Variants in TENM3 observed in about 807,000 individuals in gnomAD.
The protein encoded by TENM3 is teneurin-3.
Under a neutral mutation model 255.1 loss-of-function variants are expected in TENM3, and 63 were observed. The observed-to-expected ratio is 0.25, with a 90% CI of 0.20 to 0.30. The LOEUF (loss-of-function observed/expected upper bound fraction) is 0.30. Ranked by LOEUF, TENM3 falls within the 10% of genes least tolerant of loss-of-function variation. The pLI is 1.00. For synonymous variants in TENM3, 1,306 were observed against 1,322.3 expected, an observed-to-expected ratio of 0.99 and a Z score of 0.27; for missense variants, 2,929 against 3,461.1, an observed-to-expected ratio of 0.85 and a Z score of 3.86.
intron 12 of TENM3, chr4:182,711,444 C>A (rs1402891604): frequency 5.7e-6 from 1 of 176,760 alleles, no homozygotes; most frequent in Non-Finnish European, 1.1e-5. Context: ...CGAAGTGCAT[C>A]TCTGTCATGT....
At chr4:181,749,573 T>C in the TENM3 span, among the ~76,000 whole-genome samples, 7 of 152,202 alleles carry the variant, frequency 4.6e-5, no homozygotes, top group Admixed American at 6.6e-5. Context: ...TCTCTGCTTT[T>C]CATCTGCAGA....
At chr4:181,775,424 T>C in the TENM3 span, among the ~76,000 whole-genome samples, 18 of 152,302 alleles carry the variant, frequency 1.2e-4, no homozygotes, top group African/African-American at 2.4e-4. Flanking sequence ...TATATGCCCA[T>C]TGGAATTCAT....
chr4:182,344,764 T>G (rs1561345203), intron 2 of TENM3, among the ~76,000 whole-genome samples: 1 of 151,998 alleles, frequency 6.6e-6, no homozygotes, highest in African/African-American at 2.4e-5. Context: ...ATCAGCATGT[T>G]TGATGGCAAT....
At chr4:181,488,214 T>A in the TENM3 span, among the ~76,000 whole-genome samples, 1 of 152,228 alleles carries the variant, frequency 6.6e-6, no homozygotes, top group Admixed American at 6.5e-5. Context: ...AAGGACTGAA[T>A]GATATTTTTC....
At chr4:182,693,305 A>G (rs2152606966) in intron 12 of TENM3, among the ~76,000 whole-genome samples, 1 of 152,112 alleles carries the variant, frequency 6.6e-6, no homozygotes, top group African/African-American at 2.4e-5. Flanking sequence ...CAGTTTTACA[A>G]TTTATTCACT....
intron 24 of TENM3, among the ~76,000 whole-genome samples, chr4:182,785,941 T>C (rs35847306): frequency 0.097 from 14,810 of 152,052 alleles, 960 homozygotes; most frequent in Admixed American, 0.16. Context: ...GAGCTCTTAG[T>C]ATCTTTTGAA....
chr4:181,759,724 A>ATGTGTG, the TENM3 span, among the ~76,000 whole-genome samples: 41,782 of 146,412 alleles, frequency 0.29, 6,800 homozygotes, highest in Admixed American at 0.39. Flanking sequence ...CAATCAACAG[A>ATGTGTG]TGTGTGTGTG....
intron 3 of TENM3, among the ~76,000 whole-genome samples, chr4:182,534,815 G>A (rs1446502918): frequency 1.3e-5 from 2 of 152,194 alleles, no homozygotes; most frequent in Non-Finnish European, 2.9e-5. Flanking sequence ...TGGAAAGTGG[G>A]ATCAGATTAT....
intron 1 of TENM3, among the ~76,000 whole-genome samples, chr4:182,201,198 A>G (rs1002564113): frequency 6.6e-6 from 1 of 152,150 alleles, no homozygotes; most frequent in African/African-American, 2.4e-5. Context: ...GAAAAAGTCA[A>G]TCACAAGCTC....
the TENM3 span, among the ~76,000 whole-genome samples, chr4:181,467,084 CGTGTGT>C: frequency 2.0e-3 from 119 of 58,802 alleles, 1 homozygote; most frequent in African/African-American, 3.6e-3. Flanking sequence ...TGTGTGTGTG[CGTGTGT>C]GTGTGTGTGT....
intron 19 of TENM3, among the ~76,000 whole-genome samples, chr4:182,746,520 G>A (rs1762023320): frequency 6.6e-6 from 1 of 152,156 alleles, no homozygotes; most frequent in African/African-American, 2.4e-5. Context: ...AGAAAGGCAG[G>A]GGAGGGTCAG....
At chr4:181,545,825 C>T in the TENM3 span, among the ~76,000 whole-genome samples, 1 of 152,094 alleles carries the variant, frequency 6.6e-6, no homozygotes, top group Admixed American at 6.5e-5. Flanking sequence ...CTCGTATTTT[C>T]TTAATGACAT....
chr4:182,583,707 CA>C (rs1745734044), intron 3 of TENM3, among the ~76,000 whole-genome samples: 1 of 151,820 alleles, frequency 6.6e-6, no homozygotes, highest in South Asian at 2.1e-4. Flanking sequence ...AAATTAATGT[CA>C]GAACACTAGA....
At chr4:182,391,880 CA>C (rs1386826583) in intron 3 of TENM3, among the ~76,000 whole-genome samples, 1 of 151,714 alleles carries the variant, frequency 6.6e-6, no homozygotes, top group Non-Finnish European at 1.5e-5. Flanking sequence ...AAAAAAAAAA[CA>C]TGCTTATGAA....
chr4:182,160,828 T>C (rs1751097986), intron 1 of TENM3, among the ~76,000 whole-genome samples: 1 of 152,144 alleles, frequency 6.6e-6, no homozygotes, highest in Non-Finnish European at 1.5e-5. Flanking sequence ...GGAGTTTAAA[T>C]GTTCTCACCA....
chr4:182,362,563 T>C (rs1202617752), intron 3 of TENM3, among the ~76,000 whole-genome samples: 5 of 152,198 alleles, frequency 3.3e-5, no homozygotes, highest in Non-Finnish European at 7.3e-5. Flanking sequence ...GCCGTTTTTT[T>C]AAGCCCGTCG....
chr4:182,711,706 T>C lies in TENM3; in HGVS notation c.2222-2381T>C, dbSNP rs77352788. 2,050 of 338,558 alleles carry C rather than the reference T, an allele frequency of 6.1e-3. 10 individuals are homozygous for C. Among genetic ancestry groups the C allele is most frequent in the Middle Eastern group, 9.0e-3 (6 of 664 alleles). The allele number at this position is 338,558 out of a possible 1,614,324, so 21.0% of individuals were successfully genotyped here. ...CTTTTCCATGCATATTTTTGTAAATTATAAATCAGAGTTAAATTATGTAAA... is the reference window on the plus strand; with the variant it reads ...CTTTTCCATGCATATTTTTGTAAATCATAAATCAGAGTTAAATTATGTAAA... On this transcript the variant is annotated intron_variant, in intron 12 of 27. Transcript: ENST00000511685.
the TENM3 span, among the ~76,000 whole-genome samples, chr4:181,468,062 G>A: frequency 1.3e-5 from 2 of 151,022 alleles, no homozygotes; most frequent in Non-Finnish European, 2.9e-5. Context: ...CTGGGAGGCC[G>A]AGGCAGGTGG....
the TENM3 span, among the ~76,000 whole-genome samples, chr4:181,595,218 G>T: frequency 2.6e-5 from 4 of 151,930 alleles, no homozygotes; most frequent in African/African-American, 9.7e-5. Flanking sequence ...ATTGCTTGAG[G>T]TCAGGAGTTC....
Sources: allele counts gnomAD v4.1 joint callset (sites outside exome capture counted in the v4.1 genomes callset), GRCh38; gene constraint gnomAD v4.1.1; transcripts MANE v1.5; gene names NCBI Gene and HGNC (gene_info 2026-07-23, HGNC 2026-07-21).